STAU2: variants seen among roughly 807,000 people sequenced by gnomAD.
STAU2 encodes the protein staufen double-stranded RNA binding protein 2.
Under a neutral mutation model 65.9 loss-of-function variants are expected in STAU2, and 20 were observed. The ratio of observed to expected loss-of-function variants is 0.30; its 90% confidence interval spans 0.21 to 0.44. The LOEUF is 0.44. STAU2 is among the 20% of genes least tolerant of loss of function. STAU2 has a pLI of 1.00. For missense variants in STAU2, 558 were observed against 683.9 expected, an observed-to-expected ratio of 0.82 and a Z score of 2.05; for synonymous variants, 232 against 233.9, an observed-to-expected ratio of 0.99 and a Z score of 0.07.
chr8:73,715,218 C>A (rs1340778341), intron 3 of STAU2, among the ~76,000 whole-genome samples: 2 of 151,336 alleles, frequency 1.3e-5, no homozygotes, highest in East Asian at 1.9e-4. Flanking sequence ...AGTAAATATA[C>A]CTGTTCAAAA....
intron 5 of STAU2, among the ~76,000 whole-genome samples, chr8:73,679,887 TAA>T (rs1363821688): frequency 8.5e-6 from 1 of 117,372 alleles, no homozygotes. Flanking sequence ...AGACTCCACC[TAA>T]AAAAAAAAAC....
chr8:73,699,626 T>C (rs1281852105), intron 4 of STAU2, among the ~76,000 whole-genome samples: 1 of 151,316 alleles, frequency 6.6e-6, no homozygotes, highest in Non-Finnish European at 1.5e-5. Flanking sequence ...CCGGAAGAAA[T>C]CCAAAACCTG....
At chr8:73,569,264 G>T (rs1808855395) in intron 12 of STAU2, among the ~76,000 whole-genome samples, 1 of 152,122 alleles carries the variant, frequency 6.6e-6, no homozygotes, top group Non-Finnish European at 1.5e-5. Flanking sequence ...CTGGGGGAGG[G>T]CCGTCCGCCA....
intron 6 of STAU2, among the ~76,000 whole-genome samples, chr8:73,622,659 G>C (rs1161201469): frequency 6.6e-6 from 1 of 152,164 alleles, no homozygotes; most frequent in Non-Finnish European, 1.5e-5. Context: ...CTTCATGGAA[G>C]GCCAGAGAAC....
At chr8:73,625,037 C>A (rs888868114) in intron 6 of STAU2, among the ~76,000 whole-genome samples, 1 of 152,096 alleles carries the variant, frequency 6.6e-6, no homozygotes, top group African/African-American at 2.4e-5. Context: ...CTACTTCACA[C>A]ACCCACTAGG....
intron 13 of STAU2, chr8:73,438,899 G>T (rs1377420353): frequency 1.1e-5 from 5 of 455,210 alleles, no homozygotes; most frequent in African/African-American, 4.0e-5. Flanking sequence ...AGCTTGATTT[G>T]CTGGTAAAAG....
At chr8:73,637,820 C>T (rs1041521552) in intron 6 of STAU2, among the ~76,000 whole-genome samples, 9 of 151,800 alleles carry the variant, frequency 5.9e-5, no homozygotes, top group African/African-American at 1.5e-4. Context: ...AAGATATAGA[C>T]TAAAGCAAAA....
At chr8:73,527,611 G>A in intron 13 of STAU2, 1 of 1,040,516 alleles carries the variant, frequency 9.6e-7, no homozygotes, top group Middle Eastern at 2.3e-4. Context: ...AGCTGCATGT[G>A]CGCACATAGC....
At chr8:73,579,329 G>A (rs138357280) in intron 12 of STAU2, among the ~76,000 whole-genome samples, 37 of 152,100 alleles carry the variant, frequency 2.4e-4, no homozygotes, top group African/African-American at 8.9e-4. Context: ...AAATGCCTCC[G>A]AATAATCTTT....
chr8:73,475,625 T>A (rs1187884925), intron 13 of STAU2, among the ~76,000 whole-genome samples: 1 of 152,214 alleles, frequency 6.6e-6, no homozygotes, highest in South Asian at 2.1e-4. Flanking sequence ...ATTGAATTTA[T>A]TTAAGTCAAC....
At chr8:73,735,071 C>G (rs1806337662) in intron 3 of STAU2, among the ~76,000 whole-genome samples, 2 of 152,096 alleles carry the variant, frequency 1.3e-5, no homozygotes, top group Admixed American at 1.3e-4. Flanking sequence ...GTAGCTGAGA[C>G]TACAGGCATG....
At chr8:73,658,686 G>A (rs943414080) in intron 6 of STAU2, among the ~76,000 whole-genome samples, 3 of 151,852 alleles carry the variant, frequency 2.0e-5, no homozygotes, top group Admixed American at 1.3e-4. Context: ...AGCCCGAGGC[G>A]GGTGAATCAC....
At chr8:73,545,180 T>G (rs1249299360) in intron 13 of STAU2, among the ~76,000 whole-genome samples, 1 of 152,162 alleles carries the variant, frequency 6.6e-6, no homozygotes, top group Non-Finnish European at 1.5e-5. Context: ...CACCTATCTT[T>G]CCCTTAGTAA....
chr8:73,478,763 C>T (rs1456614166), intron 13 of STAU2, among the ~76,000 whole-genome samples: 2 of 151,676 alleles, frequency 1.3e-5, no homozygotes, highest in Non-Finnish European at 2.9e-5. Context: ...AATTCCTTCA[C>T]CCCCCAAAAA....
chr8:73,517,241 T>G, intron 13 of STAU2, among the ~76,000 whole-genome samples: 1 of 151,396 alleles, frequency 6.6e-6, no homozygotes, highest in Non-Finnish European at 1.5e-5. Context: ...ACTAAGAAAA[T>G]AAAAGAGAAG....
chr8:73,449,905 C>T (rs531756934), intron 13 of STAU2, among the ~76,000 whole-genome samples: 3 of 152,182 alleles, frequency 2.0e-5, no homozygotes, highest in Non-Finnish European at 2.9e-5. Context: ...GGACCCAGCC[C>T]GTTGGGCACC....
At position 73,535,262 on chromosome 8, in the gene STAU2, C is replaced by T. The variant is rs112890652; in HGVS notation, c.1530+16750G>A. Among the ~76,000 whole-genome samples, 834 of 152,196 alleles carry T rather than the reference C, an allele frequency of 5.5e-3. 8 individuals carry two copies. Among genetic ancestry groups the T allele is most frequent in the African/African-American group, 0.019 (783 of 41,514 alleles). On this transcript the variant is annotated intron_variant, in intron 13 of 14. Coordinates refer to ENST00000524300, the MANE Select transcript of STAU2 (RefSeq NM_001164380.2). ...TTGGCTCACTGCAAGCTCCACCTCCCGGGTTCACGCCATTCTCCTGCCTCA... is the reference window on the plus strand; with the variant it reads ...TTGGCTCACTGCAAGCTCCACCTCCTGGGTTCACGCCATTCTCCTGCCTCA...
intron 11 of STAU2, among the ~76,000 whole-genome samples, chr8:73,586,947 TAAAG>T (rs1477625457): frequency 6.6e-6 from 1 of 152,058 alleles, no homozygotes; most frequent in African/African-American, 2.4e-5. Context: ...AAGAAATTAT[TAAAG>T]AAATAAGAAA....
At chr8:73,579,334 A>G (rs1002818938) in intron 12 of STAU2, among the ~76,000 whole-genome samples, 5 of 152,176 alleles carry the variant, frequency 3.3e-5, no homozygotes, top group African/African-American at 1.2e-4. Flanking sequence ...CCTCCGAATA[A>G]TCTTTTAGTG....
Sources: allele counts gnomAD v4.1 joint callset (sites outside exome capture counted in the v4.1 genomes callset), GRCh38; gene constraint gnomAD v4.1.1; transcripts MANE v1.5; gene names NCBI Gene and HGNC (gene_info 2026-07-23, HGNC 2026-07-21).